Variants in SYNE1 observed in about 807,000 individuals in gnomAD.
SYNE1 encodes the protein nesprin-1.
SYNE1 carries 616 observed loss-of-function variants against 1,111.0 expected under a neutral mutation model. That is an observed-to-expected ratio of 0.55 (90% CI 0.52 to 0.59). SYNE1 has a LOEUF of 0.59. Among genes scored for constraint, SYNE1 ranks in the 20% least tolerant of loss-of-function variants. The pLI is 0.00. For synonymous variants in SYNE1, 3,855 were observed against 3,825.8 expected (o/e 1.01, Z -0.28); for missense variants, 10,006 against 10,417.0 (o/e 0.96, Z 1.72).
intron 4 of SYNE1, among the ~76,000 whole-genome samples, chr6:152,539,382 A>T (rs2099258776): frequency 6.6e-6 from 1 of 152,162 alleles, no homozygotes; most frequent in Admixed American, 6.6e-5. Context: ...CAAGATTAAG[A>T]TTTATTTTAT....
intron 51 of SYNE1, among the ~76,000 whole-genome samples, chr6:152,393,899 C>A (rs1470247075): frequency 6.6e-6 from 1 of 152,118 alleles, no homozygotes; most frequent in African/African-American, 2.4e-5. Flanking sequence ...CATAGGTATA[C>A]AAGTGCCATG....
intron 140 of SYNE1, 107 bp downstream of exon 140, chr6:152,139,842 CT>C: frequency 8.3e-7 from 1 of 1,208,058 alleles, no homozygotes; most frequent in Non-Finnish European, 1.2e-6. Flanking sequence ...TGTTAGATCC[CT>C]TTTCTGCTGC....
At chr6:152,607,026 C>T (rs530791884) in intron 3 of SYNE1, among the ~76,000 whole-genome samples, 40 of 136,546 alleles carry the variant, frequency 2.9e-4, no homozygotes, top group African/African-American at 6.5e-4. Context: ...GCTCTGTCAC[C>T]GAGGCTGGAG....
intron 106 of SYNE1, among the ~76,000 whole-genome samples, chr6:152,242,867 T>G (rs1187083260): frequency 6.6e-6 from 1 of 152,030 alleles, no homozygotes; most frequent in East Asian, 1.9e-4. Context: ...AAATAAATAT[T>G]CAATAAATAA....
chr6:152,582,055 C>A (rs1161056922), intron 3 of SYNE1, among the ~76,000 whole-genome samples: 1 of 152,086 alleles, frequency 6.6e-6, no homozygotes, highest in African/African-American at 2.4e-5. Flanking sequence ...CACCAATAAC[C>A]CACATAGAGC....
At chr6:152,406,969 C>A in intron 45 of SYNE1, 45 bp downstream of exon 45, 1 of 1,511,978 alleles carries the variant, frequency 6.6e-7, no homozygotes, top group African/African-American at 1.4e-5. Context: ...ATATTCTGGT[C>A]AACAATATGC....
chr6:152,513,483 G>A (rs189575517), intron 6 of SYNE1, among the ~76,000 whole-genome samples: 309 of 152,096 alleles, frequency 2.0e-3, no homozygotes, highest in Admixed American at 3.2e-3. Context: ...ACAGGCATGC[G>A]CCACCACACC....
chr6:152,265,500 T>C (rs1304529791), intron 100 of SYNE1, among the ~76,000 whole-genome samples: 1 of 152,174 alleles, frequency 6.6e-6, no homozygotes, highest in Non-Finnish European at 1.5e-5. Context: ...TTGAAGTTCC[T>C]ATGAGGTTAA....
chr6:152,480,998 A>G (rs2098891758), intron 14 of SYNE1, among the ~76,000 whole-genome samples: 1 of 152,180 alleles, frequency 6.6e-6, no homozygotes, highest in Admixed American at 6.5e-5. Context: ...AGAAGGGCTC[A>G]TGAAGGGCCT....
chr6:152,500,950 CAAAAA>C (rs57436246), intron 10 of SYNE1, among the ~76,000 whole-genome samples: 5 of 79,978 alleles, frequency 6.3e-5, no homozygotes, highest in Non-Finnish European at 1.1e-4. Context: ...GACTCCATCT[CAAAAA>C]AAAAAAAAAA....
At chr6:152,500,400 G>A (rs1348917730) in intron 10 of SYNE1, among the ~76,000 whole-genome samples, 1 of 152,150 alleles carries the variant, frequency 6.6e-6, no homozygotes, top group South Asian at 2.1e-4. Flanking sequence ...AGTCACGCTG[G>A]TGGCCAATGT....
At chr6:152,479,132 G>T (rs1163928754) in intron 14 of SYNE1, among the ~76,000 whole-genome samples, 1 of 152,158 alleles carries the variant, frequency 6.6e-6, no homozygotes, top group African/African-American at 2.4e-5. Context: ...CTGGTGATGA[G>T]CATTCTAGGC....
chr6:152,198,454 T>G (rs1345197039), intron 127 of SYNE1, among the ~76,000 whole-genome samples: 2 of 152,232 alleles, frequency 1.3e-5, no homozygotes, highest in Non-Finnish European at 1.5e-5. Context: ...GAGTATTACT[T>G]TTAATTTCCT....
chr6:152,255,216 C>T (rs1421286582), intron 103 of SYNE1, 127 bp from the exon 104 acceptor site: 19 of 834,108 alleles, frequency 2.3e-5, no homozygotes, highest in Middle Eastern at 3.4e-4. Flanking sequence ...CCTAAGACAA[C>T]TGGAACCTCT....
chr6:152,252,404 A>G (rs2089593401), intron 104 of SYNE1, among the ~76,000 whole-genome samples: 1 of 152,192 alleles, frequency 6.6e-6, no homozygotes, highest in Non-Finnish European at 1.5e-5. Flanking sequence ...ACACAATTAT[A>G]TGTTTGGGGA....
intron 16 of SYNE1, among the ~76,000 whole-genome samples, chr6:152,466,581 T>C (rs1328026796): frequency 6.6e-6 from 1 of 152,112 alleles, no homozygotes; most frequent in Non-Finnish European, 1.5e-5. Context: ...ATTCTATCCA[T>C]GTTATCAATG....
chr6:152,596,098 T>TAAAAAAA (rs71017542), intron 3 of SYNE1, among the ~76,000 whole-genome samples: 946 of 18,574 alleles, frequency 0.051, 192 homozygotes, highest in Non-Finnish European at 0.078. Context: ...AAGGGCAATC[T>TAAAAAAA]AAAAAAAAAA....
In SYNE1 at chr6:152,318,072, A is replaced by AAC; in HGVS notation, c.16572+7_16572+8dup. The AAC allele has an allele frequency of 1.9e-6, 3 of 1,614,210 alleles. No individual in the cohort carries two copies. Among genetic ancestry groups the AAC allele is most frequent in the Non-Finnish European group, 2.5e-6 (3 of 1,180,034 alleles). On this transcript the variant is annotated intron_variant, in intron 86 of 145. Transcript: ENST00000367255. ...TACACGATTTGGATTTCTGGCCCGGAACACATACCTGATTGAGCTTGGAGA... is the reference window on the plus strand; with the variant it reads ...TACACGATTTGGATTTCTGGCCCGGAACACACATACCTGATTGAGCTTGGAGA...
chr6:152,255,880 T>A, intron 102 of SYNE1, 134 bp from the exon 103 acceptor site: 1 of 1,049,246 alleles, frequency 9.5e-7, no homozygotes. Flanking sequence ...GACAGATCAC[T>A]TGAGGTCAGG....
Sources: allele counts gnomAD v4.1 joint callset (sites outside exome capture counted in the v4.1 genomes callset), GRCh38; gene constraint gnomAD v4.1.1; transcripts MANE v1.5; gene names NCBI Gene and HGNC (gene_info 2026-07-23, HGNC 2026-07-21).